FGF14: variants seen among roughly 807,000 people sequenced by gnomAD.
The protein encoded by FGF14 is fibroblast growth factor 14.
Under a neutral mutation model 25.5 loss-of-function variants are expected in FGF14, and 5 were observed. The ratio of observed to expected loss-of-function variants is 0.20; its 90% confidence interval spans 0.10 to 0.41. FGF14 has a LOEUF of 0.41. Among genes scored for constraint, FGF14 ranks in the 10% least tolerant of loss-of-function variants. The probability of loss-of-function intolerance (pLI) is 1.00; values close to 1 mark genes in which losing one functional copy is unlikely to be tolerated. For missense variants in FGF14, 222 were observed against 320.1 expected (o/e 0.69, Z 2.34); for synonymous variants, 138 against 118.3 (o/e 1.17, Z -1.08).
chr13:102,106,516 A>T (rs2044922942), intron 1 of FGF14, among the ~76,000 whole-genome samples: 1 of 135,558 alleles, frequency 7.4e-6, no homozygotes, highest in Non-Finnish European at 1.6e-5. Flanking sequence ...CGGAGGTTGC[A>T]GTGAGCCAAG....
At chr13:102,315,706 T>G (rs2055987750) in intron 1 of FGF14, among the ~76,000 whole-genome samples, 1 of 152,204 alleles carries the variant, frequency 6.6e-6, no homozygotes, top group Non-Finnish European at 1.5e-5. Flanking sequence ...CAAATATTAT[T>G]GCATCTAAAA....
chr13:102,067,475 G>A (rs1226804346), intron 1 of FGF14, among the ~76,000 whole-genome samples: 1 of 151,490 alleles, frequency 6.6e-6, no homozygotes, highest in Non-Finnish European at 1.5e-5. Context: ...TCCTAATTGG[G>A]TGATTGCACA....
intron 3 of FGF14, among the ~76,000 whole-genome samples, chr13:101,811,795 C>T (rs2041525700): frequency 6.6e-6 from 1 of 152,114 alleles, no homozygotes; most frequent in Non-Finnish European, 1.5e-5. Flanking sequence ...TAGATTTTGA[C>T]CACTCTAATA....
intron 3 of FGF14, among the ~76,000 whole-genome samples, chr13:101,773,268 C>T (rs891722985): frequency 6.6e-6 from 1 of 152,164 alleles, no homozygotes; most frequent in Non-Finnish European, 1.5e-5. Context: ...ATTCTCCAGC[C>T]TGATTTCCTC....
At chr13:102,060,849 T>C (rs575877023) in intron 1 of FGF14, among the ~76,000 whole-genome samples, 135 of 152,168 alleles carry the variant, frequency 8.9e-4, no homozygotes, top group Non-Finnish European at 1.5e-3. Flanking sequence ...CTCTGGCCCA[T>C]CACGCTCCCA....
intron 1 of FGF14, among the ~76,000 whole-genome samples, chr13:101,969,513 T>A (rs1009862961): frequency 6.6e-6 from 1 of 152,218 alleles, no homozygotes; most frequent in African/African-American, 2.4e-5. Flanking sequence ...AACATTATAT[T>A]TCAATCTGGT....
chr13:101,871,318 T>C (rs1432930508), intron 2 of FGF14, among the ~76,000 whole-genome samples: 2 of 152,118 alleles, frequency 1.3e-5, no homozygotes, highest in African/African-American at 4.8e-5. Flanking sequence ...CTAGCTGTGT[T>C]CATAACATAG....
At chr13:101,833,570 AT>A (rs1414802870) in intron 3 of FGF14, among the ~76,000 whole-genome samples, 1 of 152,046 alleles carries the variant, frequency 6.6e-6, no homozygotes, top group South Asian at 2.1e-4. Flanking sequence ...AGATGCCTAC[AT>A]TTTTTAAAGG....
At chr13:101,780,028 A>G (rs1285738853) in intron 3 of FGF14, among the ~76,000 whole-genome samples, 1 of 152,170 alleles carries the variant, frequency 6.6e-6, no homozygotes, top group Admixed American at 6.5e-5. Context: ...ATGGTCGCAC[A>G]TTCGGATTTT....
chr13:101,778,599 T>C (rs1055932680), intron 3 of FGF14, among the ~76,000 whole-genome samples: 2 of 152,160 alleles, frequency 1.3e-5, no homozygotes, highest in African/African-American at 4.8e-5. Context: ...TCTCCTGTCC[T>C]GCTTCCCATG....
At chr13:101,904,593 A>T (rs117729331) in intron 1 of FGF14, among the ~76,000 whole-genome samples, 3,154 of 152,328 alleles carry the variant, frequency 0.021, 46 homozygotes, top group Non-Finnish European at 0.029. Flanking sequence ...TGGAGAATTC[A>T]TTATAACTAC....
At chr13:101,910,529 A>T (rs2032808409) in intron 1 of FGF14, among the ~76,000 whole-genome samples, 2 of 152,260 alleles carry the variant, frequency 1.3e-5, no homozygotes, top group African/African-American at 4.8e-5. Flanking sequence ...CATAGGGAGA[A>T]ACATACATTC....
chr13:102,016,449 T>A (rs1338648361), intron 1 of FGF14, among the ~76,000 whole-genome samples: 3 of 152,172 alleles, frequency 2.0e-5, no homozygotes, highest in Non-Finnish European at 4.4e-5. Context: ...CTATAGCTGA[T>A]TTTTCTAAAA....
intron 1 of FGF14, among the ~76,000 whole-genome samples, chr13:102,038,353 A>G (rs2041572584): frequency 6.6e-6 from 1 of 152,140 alleles, no homozygotes; most frequent in Non-Finnish European, 1.5e-5. Flanking sequence ...TTGACCATAG[A>G]ATGACACACA....
intron 1 of FGF14, among the ~76,000 whole-genome samples, chr13:101,897,306 T>C (rs973406773): frequency 2.0e-5 from 3 of 152,154 alleles, no homozygotes; most frequent in Non-Finnish European, 4.4e-5. Flanking sequence ...AATAAGGATA[T>C]TAAGATTAGA....
Position 101,809,584 on chromosome 13 carries a change from T to C in FGF14, c.408+59141A>G, listed in dbSNP as rs117378863. On this transcript the variant is annotated intron_variant, in intron 3 of 4. Coordinates refer to ENST00000376143, the MANE Select transcript of FGF14 (RefSeq NM_004115.4). ...GCAGACTTAAACAGGTAAAGAGACATATAGAAAAGCAACAACAAGCTCATC... is the reference window on the plus strand; with the variant it reads ...GCAGACTTAAACAGGTAAAGAGACACATAGAAAAGCAACAACAAGCTCATC... Among the ~76,000 whole-genome samples, 199 of 152,218 alleles carry C rather than the reference T, an allele frequency of 1.3e-3. 2 individuals are homozygous for C. The highest frequency in any genetic ancestry group is 3.7e-3 in the Admixed American group (57 of 15,282).
intron 1 of FGF14, among the ~76,000 whole-genome samples, chr13:102,017,855 C>T (rs571281677): frequency 6.6e-6 from 1 of 152,142 alleles, no homozygotes; most frequent in East Asian, 1.9e-4. Context: ...TCAATTTGAT[C>T]TTCTAGACTG....
chr13:101,768,228 G>A lies in FGF14; in HGVS notation c.409-41418C>T, dbSNP rs1254074558. Among the ~76,000 whole-genome samples, 3 of 152,092 alleles carry A rather than the reference G, an allele frequency of 2.0e-5. No homozygotes were observed. The East Asian group carries it at 5.8e-4, about 29-fold the overall frequency. On this transcript the variant is annotated intron_variant, in intron 3 of 4. Coordinates refer to ENST00000376143, the MANE Select transcript of FGF14 (RefSeq NM_004115.4). ...GATGAATGTCCACATAAAACAGTGGGAAGAAAATATGTTTAAAAGTACATT... is the reference window on the plus strand; with the variant it reads ...GATGAATGTCCACATAAAACAGTGGAAAGAAAATATGTTTAAAAGTACATT...
intron 1 of FGF14, among the ~76,000 whole-genome samples, chr13:102,068,749 C>A (rs992355956): frequency 1.3e-5 from 2 of 152,218 alleles, no homozygotes; most frequent in African/African-American, 4.8e-5. Context: ...CATGCCTGAG[C>A]CTCCCACCCA....
Sources: allele counts gnomAD v4.1 joint callset (sites outside exome capture counted in the v4.1 genomes callset), GRCh38; gene constraint gnomAD v4.1.1; transcripts MANE v1.5; gene names NCBI Gene and HGNC (gene_info 2026-07-23, HGNC 2026-07-21).